The following DOCK3 variants were observed in gnomAD, a reference collection of about 807,000 sequenced individuals.
DOCK3 encodes dedicator of cytokinesis 3.
A neutral mutation model predicts 265.6 loss-of-function variants in DOCK3; 60 were observed. The observed-to-expected ratio is 0.23, with a 90% CI of 0.18 to 0.28. The LOEUF (loss-of-function observed/expected upper bound fraction) is 0.28. DOCK3 is among the 10% of genes least tolerant of loss of function. DOCK3 has a pLI of 1.00. For synonymous variants in DOCK3, 881 were observed against 938.0 expected, an observed-to-expected ratio of 0.94 and a Z score of 1.11; for missense variants, 1,981 against 2,594.3, an observed-to-expected ratio of 0.76 and a Z score of 5.14.
intron 6 of DOCK3, among the ~76,000 whole-genome samples, chr3:51,068,539 G>GA (rs1160597168): frequency 5.9e-4 from 27 of 45,694 alleles, no homozygotes; most frequent in South Asian, 1.7e-3. Flanking sequence ...GACTCCGTCT[G>GA]AAAAAAAAAA....
chr3:50,789,403 C>G (rs1003100558), intron 2 of DOCK3, among the ~76,000 whole-genome samples: 32 of 152,126 alleles, frequency 2.1e-4, no homozygotes, highest in African/African-American at 7.0e-4. Context: ...GTAATATGAT[C>G]TATCTTGGAG....
intron 9 of DOCK3, among the ~76,000 whole-genome samples, chr3:51,117,613 A>G (rs2083797638): frequency 6.6e-6 from 1 of 152,108 alleles, no homozygotes; most frequent in Admixed American, 6.5e-5. Flanking sequence ...TTTGGTTGGT[A>G]GGCTGTTAAT....
intron 1 of DOCK3, among the ~76,000 whole-genome samples, chr3:50,767,753 A>G (rs2040992387): frequency 6.6e-6 from 1 of 152,198 alleles, no homozygotes; most frequent in African/African-American, 2.4e-5. Context: ...ATCCATGAGC[A>G]TGGAATGTTC....
intron 4 of DOCK3, among the ~76,000 whole-genome samples, chr3:50,907,847 A>G (rs2049615701): frequency 6.6e-6 from 1 of 151,922 alleles, no homozygotes; most frequent in Non-Finnish European, 1.5e-5. Context: ...ATTGAGCTGT[A>G]TATCCTTCTG....
rs1409945889 is a variant in DOCK3 at position 51,249,750 on chromosome 3, G to T, written c.2184+2943G>T. Among the ~76,000 whole-genome samples, 737 of 140,354 alleles carry T rather than the reference G, an allele frequency of 5.3e-3. 4 individuals carry two copies. Among genetic ancestry groups the T allele is most frequent in the African/African-American group, 0.018 (680 of 37,084 alleles). 92.1% of individuals were successfully genotyped at this position (140,354 alleles called of 152,430 possible). A position where few individuals can be genotyped will look rare whatever the true frequency, so the allele number is the denominator to read the frequency against. ...TGGAAAGTGAGGAGCCCCTCTGCCC[G>T]GCCACCACCCCGTCTGGGAGGTGTG... is the stretch of plus-strand genomic sequence containing the variant. On this transcript the variant is annotated intron_variant, in intron 22 of 52. Coordinates refer to ENST00000266037, the MANE Select transcript of DOCK3 (RefSeq NM_004947.5).
At chr3:51,379,470 G>A in intron 51 of DOCK3, 1 of 985,344 alleles carries the variant, frequency 1.0e-6, no homozygotes, top group Non-Finnish European at 1.2e-6. Context: ...GCCCCCAGCA[G>A]CTGGAGTCTG....
intron 38 of DOCK3, among the ~76,000 whole-genome samples, chr3:51,342,352 G>T (rs1335078154): frequency 1.3e-5 from 2 of 152,184 alleles, no homozygotes. Context: ...ATGTAACCTA[G>T]CCCAGAAAGG....
intron 5 of DOCK3, among the ~76,000 whole-genome samples, chr3:51,038,816 A>G (rs1053082094): frequency 2.0e-5 from 3 of 151,660 alleles, no homozygotes; most frequent in Admixed American, 2.0e-4. Flanking sequence ...TTTATTCCAT[A>G]TCCCATCTCC....
chr3:51,177,740 C>T (rs566662503), intron 12 of DOCK3, among the ~76,000 whole-genome samples: 1 of 152,232 alleles, frequency 6.6e-6, no homozygotes, highest in African/African-American at 2.4e-5. Flanking sequence ...TCTGTAATCC[C>T]AGAACTTTGG....
intron 1 of DOCK3, among the ~76,000 whole-genome samples, chr3:50,706,329 CT>C (rs2036409707): frequency 6.6e-6 from 1 of 152,138 alleles, no homozygotes; most frequent in Non-Finnish European, 1.5e-5. Context: ...CTGGGAAAGA[CT>C]TTTATTTCTA....
In DOCK3 at chr3:51,015,968, GAT is replaced by G. The variant is rs1190524979; in HGVS notation, c.316-48471_316-48470del. ...ATATCATATTTTCTATATAATATAT[GAT>G]ATATATATCATATATTTCTACATAA... is the stretch of plus-strand genomic sequence containing the variant. On this transcript the variant is annotated intron_variant, in intron 5 of 52. Coordinates refer to ENST00000266037, the MANE Select transcript of DOCK3 (RefSeq NM_004947.5). 8.4e-5 allele frequency among the ~76,000 whole-genome samples: 2 copies of G among 23,894 alleles called. 1 individual carries two copies. Among genetic ancestry groups the G allele is most frequent in the African/African-American group, 4.6e-4 (2 of 4,392 alleles). The allele number at this position is 23,894 out of a possible 152,430, so 15.7% of individuals were successfully genotyped here. A position where few individuals can be genotyped will look rare whatever the true frequency, so the allele number is the denominator to read the frequency against.
rs144877911 is a variant in DOCK3 at position 51,097,056 on chromosome 3, G to T, written c.746+6672G>T. On this transcript the variant is annotated intron_variant, in intron 9 of 52. Coordinates refer to ENST00000266037, the MANE Select transcript of DOCK3 (RefSeq NM_004947.5). ...AGGTGTCTGTCGACCCCTGCTGGGA[G>T]GTGTCTCCCAGTCAGGAGGCACAGG... 2.9e-3 allele frequency among the ~76,000 whole-genome samples: 441 copies of T among 152,308 alleles called. 3 individuals are homozygous for T. Among genetic ancestry groups the T allele is most frequent in the African/African-American group, 0.01 (420 of 41,562 alleles).
intron 12 of DOCK3, among the ~76,000 whole-genome samples, chr3:51,164,305 C>T (rs183086127): frequency 1.2e-4 from 18 of 152,200 alleles, no homozygotes; most frequent in African/African-American, 2.4e-5. Flanking sequence ...ATAACTTACC[C>T]GAACAGTGCT....
At chr3:50,753,208 G>T (rs752484770) in intron 1 of DOCK3, among the ~76,000 whole-genome samples, 2 of 152,164 alleles carry the variant, frequency 1.3e-5, no homozygotes, top group Non-Finnish European at 2.9e-5. Flanking sequence ...AGTGTTCCTT[G>T]TTCCCTGTGA....
chr3:50,758,299 T>C (rs186523432), intron 1 of DOCK3, among the ~76,000 whole-genome samples: 2 of 148,792 alleles, frequency 1.3e-5, no homozygotes, highest in African/African-American at 4.9e-5. Flanking sequence ...CTTATGCCAC[T>C]ACCACACTAT....
At chr3:51,045,814 A>G (rs552075618) in intron 5 of DOCK3, among the ~76,000 whole-genome samples, 24 of 152,306 alleles carry the variant, frequency 1.6e-4, no homozygotes, top group Middle Eastern at 3.4e-3. Context: ...TATTTCATTT[A>G]TTTAAAATAT....
At chr3:51,169,932 T>C (rs996358011) in intron 12 of DOCK3, among the ~76,000 whole-genome samples, 1 of 152,208 alleles carries the variant, frequency 6.6e-6, no homozygotes, top group Non-Finnish European at 1.5e-5. Flanking sequence ...TGAGAAGTTC[T>C]GCATCTGTGT....
At chr3:50,975,658 A>C (rs1248676801) in intron 5 of DOCK3, among the ~76,000 whole-genome samples, 3 of 152,238 alleles carry the variant, frequency 2.0e-5, no homozygotes, top group Non-Finnish European at 4.4e-5. Flanking sequence ...TGGCCTCATG[A>C]AATGAGTTAG....
chr3:51,088,089 C>T (rs1221759236), intron 7 of DOCK3, among the ~76,000 whole-genome samples: 1 of 152,116 alleles, frequency 6.6e-6, no homozygotes, highest in African/African-American at 2.4e-5. Flanking sequence ...GAAATACTGT[C>T]ATTTGTAGCA....
Sources: allele counts gnomAD v4.1 joint callset (sites outside exome capture counted in the v4.1 genomes callset), GRCh38; gene constraint gnomAD v4.1.1; transcripts MANE v1.5; gene names NCBI Gene and HGNC (gene_info 2026-07-23, HGNC 2026-07-21).